Variants in SVIL observed in about 807,000 individuals in gnomAD.
SVIL encodes supervillin, also known as archvillin.
Under a neutral mutation model 240.4 loss-of-function variants are expected in SVIL, and 101 were observed. The ratio of observed to expected loss-of-function variants is 0.42; its 90% confidence interval spans 0.36 to 0.50. The LOEUF (loss-of-function observed/expected upper bound fraction) is 0.50. Ranked by LOEUF, SVIL falls within the 20% of genes least tolerant of loss-of-function variation. The probability of loss-of-function intolerance (pLI) is 0.01; values close to 1 mark genes in which losing one functional copy is unlikely to be tolerated. For missense variants in SVIL, 2,512 were observed against 2,818.7 expected (o/e 0.89, Z 2.46); for synonymous variants, 999 against 1,100.0 (o/e 0.91, Z 1.82).
At chr10:29,710,020 A>T (rs1406216820) in intron 1 of SVIL, among the ~76,000 whole-genome samples, 1 of 151,170 alleles carries the variant, frequency 6.6e-6, no homozygotes, top group Admixed American at 6.6e-5. Context: ...TCAGCCCTAG[A>T]GGGAGGGGCT....
rs2132555754 is a variant in SVIL, at chr10:29,529,830, A to T, written c.2121T>A (p.Ser707=). 1 of 1,610,412 alleles carries T rather than the reference A, an allele frequency of 6.2e-7. No individual in the cohort carries two copies. The highest frequency in any genetic ancestry group is 1.7e-4 in the Middle Eastern group (1 of 6,012). The change falls in exon 12 of 38, where the codon TCT becomes TCA. Residue 707 remains serine (S), a synonymous_variant. Transcript: ENST00000355867. ...KRLLFREMEK[S]FDEQNVPKRR... is the part of the protein sequence containing the mutation. Reference sequence around the variant, plus strand: ...GCTTTGGAACATTTTGTTCATCAAAAGATTTTTCCATCTCCTAAGATTAGA... The same window carrying T: ...GCTTTGGAACATTTTGTTCATCAAATGATTTTTCCATCTCCTAAGATTAGA...
At chr10:29,684,245 A>T (rs2132595151) in intron 2 of SVIL, among the ~76,000 whole-genome samples, 1 of 152,316 alleles carries the variant, frequency 6.6e-6, no homozygotes, top group Non-Finnish European at 1.5e-5. Flanking sequence ...AGTATCTGAG[A>T]CAGGTCTCAG....
At chr10:29,632,004 A>G (rs1958114502) in intron 1 of SVIL, among the ~76,000 whole-genome samples, 1 of 152,148 alleles carries the variant, frequency 6.6e-6, no homozygotes, top group Non-Finnish European at 1.5e-5. Flanking sequence ...GTGTCCTAAA[A>G]TCCCAGGCAG....
At chr10:29,710,435 T>C (rs549091546) in intron 1 of SVIL, among the ~76,000 whole-genome samples, 1 of 152,330 alleles carries the variant, frequency 6.6e-6, no homozygotes, top group Admixed American at 6.5e-5. Context: ...TTGTTTAAAG[T>C]TTCCCTGTTC....
intron 1 of SVIL, among the ~76,000 whole-genome samples, chr10:29,595,303 G>A (rs900905175): frequency 6.6e-6 from 1 of 152,234 alleles, no homozygotes; most frequent in East Asian, 1.9e-4. Context: ...GGGTTGGGCA[G>A]GTGGGCTTTG....
At position 29,481,616 on chromosome 10, in the gene SVIL, C is replaced by T. The variant is rs770253865; in HGVS notation, c.5068G>A (p.Glu1690Lys). 3 of 1,614,054 alleles carry T rather than the reference C, an allele frequency of 1.9e-6. No individual in the cohort carries two copies. The highest frequency in any genetic ancestry group is 3.3e-5 in the Admixed American group (2 of 60,002). Residue 1690 changes from glutamate to lysine, a missense_variant, in exon 28 of 38, where the codon GAG becomes AAG. Physicochemically the swap from Glu to Lys is moderately conservative, Grantham distance 56 (BLOSUM62 1). Coordinates refer to ENST00000355867, the MANE Select transcript of SVIL (RefSeq NM_021738.3). Reference protein sequence around the residue: ...LDWTELKRSNEKNPGELAQHK... With the variant: ...LDWTELKRSNKKNPGELAQHK... ...TGGGCAAGTTCCCCGGGGTTCTTCT[C>T]ATTCGATCTCTTCAGTTCCGTCCAA...
intron 2 of SVIL, among the ~76,000 whole-genome samples, chr10:29,664,676 T>A (rs116753901): frequency 3.2e-4 from 45 of 140,542 alleles, no homozygotes; most frequent in Middle Eastern, 3.8e-3. Flanking sequence ...TTTCGTAATT[T>A]TATATATATA....
intron 13 of SVIL, among the ~76,000 whole-genome samples, chr10:29,525,761 T>G (rs1245862151): frequency 6.6e-6 from 1 of 152,174 alleles, no homozygotes; most frequent in African/African-American, 2.4e-5. Context: ...AATTGTCAGA[T>G]CTAGTAAAGG....
chr10:29,482,188 G>A (rs1014858247), intron 27 of SVIL, among the ~76,000 whole-genome samples: 9 of 151,972 alleles, frequency 5.9e-5, no homozygotes, highest in Non-Finnish European at 1.2e-4. Flanking sequence ...GCCACCATGC[G>A]TAGCTAATTT....
chr10:29,632,781 A>G (rs1229414001), intron 1 of SVIL, among the ~76,000 whole-genome samples: 8 of 152,208 alleles, frequency 5.3e-5, no homozygotes, highest in Non-Finnish European at 1.2e-4. Context: ...AATGTACTAC[A>G]ATAGCTTGTA....
intron 2 of SVIL, among the ~76,000 whole-genome samples, chr10:29,665,926 G>A (rs940371135): frequency 2.6e-5 from 4 of 152,144 alleles, no homozygotes; most frequent in Non-Finnish European, 4.4e-5. Context: ...CCATAACGGG[G>A]GAAAAAAGGG....
In SVIL at chr10:29,708,878, A is replaced by G. The variant is rs540849923; in HGVS notation, c.-399-22227T>C. On this transcript the variant is annotated intron_variant, in intron 1 of 35. Transcript: ENST00000375400. ...CCAATAGAACAAAAACAAACTCAAC[A>G]ACAACAAAAAAATCAAACAAAAAAC... 5.3e-5 allele frequency among the ~76,000 whole-genome samples: 8 copies of G among 152,248 alleles called. No individual in the cohort carries two copies. The East Asian group carries it at 1.5e-3, about 29-fold the overall frequency.
At chr10:29,556,148 G>A (rs1180979381) in intron 3 of SVIL, among the ~76,000 whole-genome samples, 1 of 152,216 alleles carries the variant, frequency 6.6e-6, no homozygotes, top group Non-Finnish European at 1.5e-5. Context: ...CCAGACAACT[G>A]TTTCTTTGGA....
intron 1 of SVIL, among the ~76,000 whole-genome samples, chr10:29,578,760 G>T (rs550893799): frequency 6.6e-6 from 1 of 152,312 alleles, no homozygotes; most frequent in East Asian, 1.9e-4. Flanking sequence ...TATCAATACT[G>T]CTTGAATGGA....
At chr10:29,470,803 GA>G (rs1276336189) in intron 31 of SVIL, among the ~76,000 whole-genome samples, 1 of 152,120 alleles carries the variant, frequency 6.6e-6, no homozygotes, top group Non-Finnish European at 1.5e-5. Flanking sequence ...CTAGAGCTAA[GA>G]TTTTTTTGGG....
intron 1 of SVIL, among the ~76,000 whole-genome samples, chr10:29,698,894 ACT>A (rs1445344964): frequency 6.6e-6 from 1 of 152,128 alleles, no homozygotes; most frequent in African/African-American, 2.4e-5. Flanking sequence ...ACAACTGGTG[ACT>A]CTGCAGTGAA....
chr10:29,580,976 G>A (rs143384086), intron 1 of SVIL, among the ~76,000 whole-genome samples: 1 of 152,300 alleles, frequency 6.6e-6, no homozygotes, highest in Non-Finnish European at 1.5e-5. Flanking sequence ...TACAGTATAG[G>A]GGAGTGTGAT....
chr10:29,490,184 G>A (rs1947812161), intron 22 of SVIL, among the ~76,000 whole-genome samples: 1 of 152,040 alleles, frequency 6.6e-6, no homozygotes, highest in Non-Finnish European at 1.5e-5. Flanking sequence ...TCCCAACTCC[G>A]AGAAGCTCAG....
upstream of SVIL, among the ~76,000 whole-genome samples, chr10:29,736,311 G>A (rs1185887179): frequency 6.6e-6 from 1 of 152,186 alleles, no homozygotes; most frequent in African/African-American, 2.4e-5. Context: ...TACTTTGTTT[G>A]GAAACTAAGT....
Sources: allele counts gnomAD v4.1 joint callset (sites outside exome capture counted in the v4.1 genomes callset), GRCh38; gene constraint gnomAD v4.1.1; transcripts MANE v1.5; gene names NCBI Gene and HGNC (gene_info 2026-07-23, HGNC 2026-07-21).